GRIA4: variants seen among roughly 807,000 people sequenced by gnomAD.
GRIA4 encodes the protein glutamate receptor 4.
A neutral mutation model predicts 104.0 loss-of-function variants in GRIA4; 34 were observed. The observed-to-expected ratio is 0.33, with a 90% CI of 0.25 to 0.44. GRIA4 has a LOEUF of 0.44. Ranked by LOEUF, GRIA4 falls within the 20% of genes least tolerant of loss-of-function variation. The pLI is 1.00. For missense variants in GRIA4, 750 were observed against 1,096.5 expected, an observed-to-expected ratio of 0.68 and a Z score of 4.46; for synonymous variants, 386 against 381.9, an observed-to-expected ratio of 1.01 and a Z score of -0.13.
intron 4 of GRIA4, among the ~76,000 whole-genome samples, chr11:105,763,522 A>T (rs1488144112): frequency 6.6e-6 from 1 of 152,118 alleles, no homozygotes; most frequent in Non-Finnish European, 1.5e-5. Context: ...TTTTTCCTTC[A>T]TATGATAACA....
intron 10 of GRIA4, among the ~76,000 whole-genome samples, chr11:105,914,554 C>T (rs1404324761): frequency 2.6e-5 from 4 of 152,048 alleles, no homozygotes; most frequent in African/African-American, 9.7e-5. Flanking sequence ...AATTAATTTA[C>T]ATAAATACTT....
chr11:105,666,614 A>C (rs2135424912), intron 3 of GRIA4, among the ~76,000 whole-genome samples: 1 of 152,150 alleles, frequency 6.6e-6, no homozygotes, highest in South Asian at 2.1e-4. Context: ...TAATTAAATT[A>C]CTAAATATAA....
intron 14 of GRIA4, among the ~76,000 whole-genome samples, chr11:105,964,245 T>G (rs1424614179): frequency 6.6e-5 from 10 of 152,162 alleles, no homozygotes; most frequent in Non-Finnish European, 1.5e-4. Flanking sequence ...TACTTGGAAA[T>G]GTAGGAGTAG....
At chr11:105,974,720 GT>G (rs1230484789) in intron 16 of GRIA4, 1 of 616,906 alleles carries the variant, frequency 1.6e-6, no homozygotes, top group East Asian at 2.9e-5. Flanking sequence ...CAGATGTACT[GT>G]TTGAAACTTT....
At chr11:105,746,976 C>G (rs1030576473) in intron 3 of GRIA4, among the ~76,000 whole-genome samples, 5 of 152,096 alleles carry the variant, frequency 3.3e-5, no homozygotes. Context: ...AAAATCTGTT[C>G]CCTGGCTCAA....
At chr11:105,966,813 A>G (rs931515680) in intron 14 of GRIA4, among the ~76,000 whole-genome samples, 14 of 152,302 alleles carry the variant, frequency 9.2e-5, no homozygotes, top group African/African-American at 2.9e-4. Flanking sequence ...AGACTTAAAG[A>G]AAACAGTTCA....
At chr11:105,683,185 T>C (rs1952765003) in intron 3 of GRIA4, among the ~76,000 whole-genome samples, 1 of 152,126 alleles carries the variant, frequency 6.6e-6, no homozygotes, top group Non-Finnish European at 1.5e-5. Context: ...CTTTTTTAGG[T>C]ATTTAATGCG....
chr11:105,828,768 C>G (rs972306521), intron 4 of GRIA4, among the ~76,000 whole-genome samples: 1 of 151,732 alleles, frequency 6.6e-6, no homozygotes, highest in Non-Finnish European at 1.5e-5. Flanking sequence ...GGCAGTAATA[C>G]AATTACTGGG....
At chr11:105,806,284 G>C (rs1247431343) in intron 4 of GRIA4, among the ~76,000 whole-genome samples, 1 of 151,832 alleles carries the variant, frequency 6.6e-6, no homozygotes, top group East Asian at 1.9e-4. Flanking sequence ...CAAGCAGAGA[G>C]ATTTCAGGTA....
intron 3 of GRIA4, among the ~76,000 whole-genome samples, chr11:105,733,961 A>T (rs2135622667): frequency 6.7e-6 from 1 of 149,636 alleles, no homozygotes; most frequent in East Asian, 1.9e-4. Flanking sequence ...TCCCATAATG[A>T]TAACCATATT....
intron 3 of GRIA4, among the ~76,000 whole-genome samples, chr11:105,738,228 A>C (rs1049009827): frequency 6.6e-6 from 1 of 152,164 alleles, no homozygotes; most frequent in African/African-American, 2.4e-5. Flanking sequence ...TCTTCAATAC[A>C]ATGAGGAATT....
At chr11:105,847,514 T>C (rs754328540) in intron 4 of GRIA4, among the ~76,000 whole-genome samples, 6 of 152,206 alleles carry the variant, frequency 3.9e-5, no homozygotes, top group Non-Finnish European at 5.9e-5. Context: ...TAGCAGGTAA[T>C]TCAAGAATAC....
chr11:105,696,924 C>T (rs1296071819), intron 3 of GRIA4, among the ~76,000 whole-genome samples: 1 of 152,044 alleles, frequency 6.6e-6, no homozygotes, highest in Non-Finnish European at 1.5e-5. Flanking sequence ...GCCACCACCC[C>T]AGCTAATTTT....
intron 3 of GRIA4, among the ~76,000 whole-genome samples, chr11:105,714,795 A>T (rs912426884): frequency 6.6e-6 from 1 of 152,040 alleles, no homozygotes; most frequent in Non-Finnish European, 1.5e-5. Flanking sequence ...CAGTTGGGAC[A>T]GACCCAGAAG....
At chr11:105,709,667 A>G (rs574238767) in intron 3 of GRIA4, among the ~76,000 whole-genome samples, 1 of 152,228 alleles carries the variant, frequency 6.6e-6, no homozygotes, top group African/African-American at 2.4e-5. Flanking sequence ...TTTCTGCCAC[A>G]TGCAAAAACA....
intron 4 of GRIA4, among the ~76,000 whole-genome samples, chr11:105,793,854 T>C (rs1942332859): frequency 6.6e-6 from 1 of 151,928 alleles, no homozygotes; most frequent in Non-Finnish European, 1.5e-5. Flanking sequence ...TGTCCAAAAA[T>C]AGAGATATGC....
chr11:105,971,852 G>A, intron 14 of GRIA4, 62 bp from the exon 15 acceptor site: 1 of 1,102,408 alleles, frequency 9.1e-7, no homozygotes, highest in Non-Finnish European at 1.3e-6. Flanking sequence ...TTCTAATGTA[G>A]TTTTACTTGA....
At chr11:105,884,734 C>G (rs1300457130) in intron 5 of GRIA4, among the ~76,000 whole-genome samples, 3 of 152,088 alleles carry the variant, frequency 2.0e-5, no homozygotes, top group Admixed American at 2.0e-4. Context: ...TATTATAAGT[C>G]CTCACTCTTT....
intron 3 of GRIA4, among the ~76,000 whole-genome samples, chr11:105,647,002 G>T (rs7129054): frequency 0.52 from 78,816 of 151,974 alleles, 20,704 homozygotes; most frequent in Admixed American, 0.61. Flanking sequence ...CAAACTATCA[G>T]CAGAGTGATC....
Sources: gnomAD v4.1 joint callset for allele counts (sites outside exome capture counted in the v4.1 genomes callset) on GRCh38, gnomAD v4.1.1 for gene constraint, MANE v1.5 for transcripts, NCBI Gene and HGNC (gene_info 2026-07-23, HGNC 2026-07-21) for gene names.